Variants in EYS observed in about 807,000 individuals in gnomAD.
The protein encoded by EYS is EGF-like photoreceptor maintenance factor, also known as protein eyes shut homolog.
Under a neutral mutation model 282.1 loss-of-function variants are expected in EYS, and 250 were observed. The ratio of observed to expected loss-of-function variants is 0.89; its 90% CI spans 0.80 to 0.98. The LOEUF is 0.98. EYS is among the 50% of genes least tolerant of loss of function. The pLI, the probability that EYS is intolerant of heterozygous loss-of-function variation, is 0.00. For synonymous variants in EYS, 1,355 were observed against 1,282.9 expected (o/e 1.06, Z -1.20); for missense variants, 4,016 against 3,709.0 (o/e 1.08, Z -2.15).
intron 28 of EYS, among the ~76,000 whole-genome samples, chr6:64,391,477 TC>T (rs1328099147): frequency 6.6e-6 from 1 of 151,644 alleles, no homozygotes; most frequent in Non-Finnish European, 1.5e-5. Flanking sequence ...TATTCAACAT[TC>T]TTAAAGAAAA....
At chr6:65,107,141 G>A (rs971260930) in intron 12 of EYS, among the ~76,000 whole-genome samples, 1 of 152,018 alleles carries the variant, frequency 6.6e-6, no homozygotes, top group African/African-American at 2.4e-5. Flanking sequence ...ATAAATGGCA[G>A]AGACTATTCA....
chr6:64,864,164 G>C (rs553803287), intron 19 of EYS, among the ~76,000 whole-genome samples: 5 of 152,002 alleles, frequency 3.3e-5, no homozygotes, highest in Admixed American at 2.0e-4. Context: ...CAAAAGTCTG[G>C]TTACTAATCA....
chr6:65,070,045 T>A (rs1773859971), intron 12 of EYS, among the ~76,000 whole-genome samples: 1 of 151,914 alleles, frequency 6.6e-6, no homozygotes, highest in Non-Finnish European at 1.5e-5. Flanking sequence ...TTATCTCCAT[T>A]TACTTCAGTA....
At chr6:64,069,379 ATTT>A (rs1411438899) in intron 32 of EYS, among the ~76,000 whole-genome samples, 1 of 151,958 alleles carries the variant, frequency 6.6e-6, no homozygotes, top group Admixed American at 6.6e-5. Context: ...ATATTTTACT[ATTT>A]TTGAGTTTTT....
intron 2 of EYS, among the ~76,000 whole-genome samples, chr6:65,634,743 G>C (rs1767029274): frequency 6.6e-6 from 1 of 152,062 alleles, no homozygotes; most frequent in African/African-American, 2.4e-5. Flanking sequence ...CATATTTTTA[G>C]CAAATCTAGT....
chr6:64,196,188 A>G (rs1765282556), intron 31 of EYS, among the ~76,000 whole-genome samples: 1 of 152,210 alleles, frequency 6.6e-6, no homozygotes, highest in South Asian at 2.1e-4. Flanking sequence ...TCAAAACCAC[A>G]ATGAGACACC....
intron 22 of EYS, among the ~76,000 whole-genome samples, chr6:64,658,097 C>A (rs564965557): frequency 1.3e-5 from 2 of 152,132 alleles, no homozygotes; most frequent in East Asian, 3.9e-4. Flanking sequence ...TGCTTCATTT[C>A]ATTCATTTGA....
intron 41 of EYS, among the ~76,000 whole-genome samples, chr6:63,759,449 T>C (rs1017869572): frequency 6.6e-6 from 1 of 152,140 alleles, no homozygotes; most frequent in African/African-American, 2.4e-5. Context: ...AATTATTATA[T>C]ACATTTCACT....
At position 65,127,046 on chromosome 6, in the gene EYS, G is replaced by A. The variant is rs145407283; in HGVS notation, c.2024-69319C>T. 4.7e-3 allele frequency among the ~76,000 whole-genome samples: 720 copies of A among 152,170 alleles called. 6 individuals carry two copies. The highest frequency in any genetic ancestry group is 0.024 in the Middle Eastern group (7 of 294). On this transcript the variant is annotated intron_variant, in intron 12 of 42. Coordinates refer to ENST00000503581, the MANE Select transcript of EYS (RefSeq NM_001142800.2). ...TAGAAAAAGGAACACTGTGCCAGGGGAAGCTTGCGACAATGAAAACTGTTT... is the reference window on the plus strand; with the variant it reads ...TAGAAAAAGGAACACTGTGCCAGGGAAAGCTTGCGACAATGAAAACTGTTT...
In EYS at chr6:65,429,539, G is replaced by C. The variant is rs1053557617; in HGVS notation, c.863-24172C>G. On this transcript the variant is annotated intron_variant, in intron 5 of 42. Transcript: ENST00000503581. ...CCCTACCATAGTGGCTTCATTGTCC[G>C]TATACAGTAGTATCAAGCACACTCT... Among the ~76,000 whole-genome samples, 35 of 152,136 alleles carry C rather than the reference G, an allele frequency of 2.3e-4. 1 individual carries two copies. The highest frequency in any genetic ancestry group is 6.5e-4 in the African/African-American group (27 of 41,504).
intron 23 of EYS, among the ~76,000 whole-genome samples, chr6:64,622,642 A>C (rs1206862885): frequency 6.6e-6 from 1 of 152,178 alleles, no homozygotes; most frequent in South Asian, 2.1e-4. Context: ...AGTTGTTGTT[A>C]GATAAAGACA....
intron 9 of EYS, among the ~76,000 whole-genome samples, chr6:65,345,452 T>C (rs1001447923): frequency 4.0e-5 from 6 of 151,864 alleles, no homozygotes; most frequent in African/African-American, 1.2e-4. Flanking sequence ...AGTATTAGAA[T>C]GAATACTTTA....
intron 22 of EYS, among the ~76,000 whole-genome samples, chr6:64,808,384 CAT>C (rs1277156780): frequency 1.3e-5 from 2 of 151,916 alleles, no homozygotes; most frequent in Non-Finnish European, 2.9e-5. Flanking sequence ...CAGCAATAAA[CAT>C]AATGGGTTTA....
chr6:64,267,878 A>G (rs1767813468), intron 30 of EYS, among the ~76,000 whole-genome samples: 1 of 152,110 alleles, frequency 6.6e-6, no homozygotes, highest in African/African-American at 2.4e-5. Context: ...TTAAAAAATG[A>G]TTATGGTGAG....
At chr6:63,981,213 C>G (rs1371856035) in intron 35 of EYS, among the ~76,000 whole-genome samples, 1 of 151,750 alleles carries the variant, frequency 6.6e-6, no homozygotes, top group Non-Finnish European at 1.5e-5. Flanking sequence ...GATTACTGCA[C>G]AAACTGCTGG....
rs369735034 is a variant in EYS, at chr6:65,290,106, T to A, written c.2023+5757A>T. On this transcript the variant is annotated intron_variant, in intron 12 of 42. Transcript: ENST00000503581. ...AATACAGGCAAAGCAATACCCAAAGTATTTGTAGCTCCAAACTTGTTATTA... is the reference window on the plus strand; with the variant it reads ...AATACAGGCAAAGCAATACCCAAAGAATTTGTAGCTCCAAACTTGTTATTA... Among the ~76,000 whole-genome samples, 46 of 151,254 alleles carry A rather than the reference T, an allele frequency of 3.0e-4. No individual in the cohort carries two copies. In the East Asian group the frequency reaches 6.8e-3, roughly 22 times the overall value.
chr6:64,438,204 C>G (rs1774815432), intron 27 of EYS, among the ~76,000 whole-genome samples: 1 of 151,742 alleles, frequency 6.6e-6, no homozygotes, highest in African/African-American at 2.4e-5. Flanking sequence ...GCAAAGTCAG[C>G]AATCTCAAAC....
intron 5 of EYS, among the ~76,000 whole-genome samples, chr6:65,447,362 TTA>T (rs1168067868): frequency 8.9e-6 from 1 of 112,438 alleles, no homozygotes. Flanking sequence ...ATGTATATAG[TTA>T]TATATATAAA....
intron 20 of EYS, 140 bp downstream of exon 20, chr6:64,822,511 G>T: frequency 1.5e-6 from 1 of 684,536 alleles, no homozygotes; most frequent in Middle Eastern, 4.0e-4. Flanking sequence ...GGCAGCATCT[G>T]TCATCTTAAA....
Sources: gnomAD v4.1 joint callset for allele counts (sites outside exome capture counted in the v4.1 genomes callset) on GRCh38, gnomAD v4.1.1 for gene constraint, MANE v1.5 for transcripts, NCBI Gene and HGNC (gene_info 2026-07-23, HGNC 2026-07-21) for gene names.